LRRC37A3: variants seen among roughly 807,000 people sequenced by gnomAD.
LRRC37A3 encodes leucine-rich repeat-containing protein 37A3.
Under a neutral mutation model 106.2 loss-of-function variants are expected in LRRC37A3, and 25 were observed. The ratio of observed to expected loss-of-function variants is 0.24; its 90% CI spans 0.17 to 0.33. The LOEUF (loss-of-function observed/expected upper bound fraction) is 0.33, where lower values mean the gene tolerates loss of function less well. Ranked by LOEUF, LRRC37A3 falls within the 10% of genes least tolerant of loss-of-function variation. The pLI is 1.00. For synonymous variants in LRRC37A3, 305 were observed against 635.8 expected (o/e 0.48, Z 7.83); for missense variants, 712 against 1,644.9 (o/e 0.43, Z 9.81).
chr17:64,915,792 C>T (rs1598439684), intron 2 of LRRC37A3, among the ~76,000 whole-genome samples: 1 of 152,198 alleles, frequency 6.6e-6, no homozygotes, highest in South Asian at 2.1e-4. Context: ...ATAAAGAATT[C>T]TTACTACCCA....
intron 8 of LRRC37A3, among the ~76,000 whole-genome samples, chr17:64,874,479 G>C (rs1264679541): frequency 6.7e-6 from 1 of 149,944 alleles, no homozygotes; most frequent in African/African-American, 2.5e-5. Context: ...AGGGAGGTGG[G>C]GGCCAGCCCC....
intron 2 of LRRC37A3, among the ~76,000 whole-genome samples, chr17:64,917,207 C>A (rs2143641529): frequency 7.3e-6 from 1 of 136,378 alleles, no homozygotes; most frequent in Non-Finnish European, 1.5e-5. Context: ...GATCGCGCCA[C>A]TGCACTCCAG....
intron 8 of LRRC37A3, among the ~76,000 whole-genome samples, chr17:64,874,272 T>C (rs1973421664): frequency 6.6e-6 from 1 of 151,946 alleles, no homozygotes. Flanking sequence ...CCGTCTGGGA[T>C]GTGAGGAGCG....
chr17:64,888,369 C>T (rs1199462212), intron 6 of LRRC37A3, among the ~76,000 whole-genome samples: 1 of 151,874 alleles, frequency 6.6e-6, no homozygotes, highest in Non-Finnish European at 1.5e-5. Context: ...CTCCTAGTGC[C>T]CACATCCGTT....
In LRRC37A3 at chr17:64,862,970, G is replaced by A; in HGVS notation, c.3102C>T (p.Ser1034=). 1 of 1,598,510 alleles carries A rather than the reference G, an allele frequency of 6.3e-7. No individual in the cohort carries two copies. Among genetic ancestry groups the A allele is most frequent in the Non-Finnish European group, 8.5e-7 (1 of 1,179,788 alleles). ...TGACTGTCTTGCAGACAGCCTCAAT[G>A]CTGTTTTTAAATTGGCAGAGGCAGC... ...MACCLCQFKN[S]IEAVCKTVKL... The change falls in exon 11 of 15, where the codon AGC becomes AGT. Residue 1034 remains serine (S), a synonymous_variant. Coordinates refer to ENST00000584306, the MANE Select transcript of LRRC37A3 (RefSeq NM_199340.5).
intron 8 of LRRC37A3, among the ~76,000 whole-genome samples, chr17:64,875,583 G>A (rs2143478525): frequency 6.6e-6 from 1 of 152,244 alleles, no homozygotes; most frequent in Middle Eastern, 3.4e-3. Context: ...GAGGTCAAGA[G>A]GTTGAGACCA....
intron 10 of LRRC37A3, among the ~76,000 whole-genome samples, chr17:64,864,178 A>G (rs1196597784): frequency 6.6e-6 from 1 of 151,836 alleles, no homozygotes; most frequent in Non-Finnish European, 1.5e-5. Context: ...CAAGTGATCA[A>G]ACTTAGTATT....
intron 2 of LRRC37A3, among the ~76,000 whole-genome samples, chr17:64,910,572 A>G (rs1598436867): frequency 6.6e-6 from 1 of 151,264 alleles, no homozygotes; most frequent in African/African-American, 2.4e-5. Context: ...AGACTTCTAG[A>G]CTTCAAAAAA....
intron 8 of LRRC37A3, among the ~76,000 whole-genome samples, chr17:64,878,438 G>T (rs1973585017): frequency 6.6e-6 from 1 of 152,046 alleles, no homozygotes; most frequent in Non-Finnish European, 1.5e-5. Context: ...TATCTGTTAA[G>T]GTCTAATATC....
intron 8 of LRRC37A3, among the ~76,000 whole-genome samples, chr17:64,874,585 A>G (rs1232514000): frequency 0.012 from 1,456 of 120,942 alleles, no homozygotes; most frequent in Middle Eastern, 0.11. Context: ...CCGCCACCCC[A>G]TCTGGGAGGT....
intron 8 of LRRC37A3, among the ~76,000 whole-genome samples, chr17:64,869,697 C>G (rs57354566): frequency 6.6e-6 from 1 of 151,432 alleles, no homozygotes; most frequent in Non-Finnish European, 1.5e-5. Flanking sequence ...CCCACCACCA[C>G]GCCCAGCTAA....
chr17:64,861,657 C>T (rs1972875986), intron 11 of LRRC37A3, among the ~76,000 whole-genome samples: 1 of 152,188 alleles, frequency 6.6e-6, no homozygotes, highest in Non-Finnish European at 1.5e-5. Flanking sequence ...TCAAATTTGC[C>T]AGATTGTATG....
chr17:64,857,409 G>A (rs1433440575), intron 13 of LRRC37A3, among the ~76,000 whole-genome samples: 5 of 152,194 alleles, frequency 3.3e-5, no homozygotes, highest in Non-Finnish European at 4.4e-5. Context: ...GAGATAGCAC[G>A]TTCCTAGAAT....
At position 64,859,746 on chromosome 17, in the gene LRRC37A3, G is replaced by A. The variant is rs1429079436; in HGVS notation, c.4400C>T (p.Ser1467Leu). ...EPKSFNYPLL[S>L]SPGDQFEIQL... ...AATTTCAAACTGATCACCTGGGGACGAGAGCAATGGGTAATTGAAGCTTTT... is the reference window on the plus strand; with the variant it reads ...AATTTCAAACTGATCACCTGGGGACAAGAGCAATGGGTAATTGAAGCTTTT... Residue 1467 changes from serine (S) to leucine (L), a missense_variant, in exon 12 of 15, where the codon TCG (serine) becomes TTG (leucine). Physicochemically the swap from Ser to Leu is moderately radical, Grantham distance 145. Coordinates refer to ENST00000584306, the MANE Select transcript of LRRC37A3 (RefSeq NM_199340.5). The A allele has an allele frequency of 1.4e-5, 22 of 1,613,056 alleles. No homozygotes were observed. Among genetic ancestry groups the A allele is most frequent in the South Asian group, 3.3e-5 (3 of 91,012 alleles).
chr17:64,890,689 G>C (rs1282209103), intron 5 of LRRC37A3, among the ~76,000 whole-genome samples: 1 of 144,640 alleles, frequency 6.9e-6, no homozygotes, highest in East Asian at 2.0e-4. Context: ...AAAATTAGCT[G>C]GGTGTGATGG....
intron 2 of LRRC37A3, chr17:64,901,406 C>T (rs1315765689): frequency 6.7e-6 from 1 of 148,436 alleles, no homozygotes; most frequent in African/African-American, 2.6e-5. Flanking sequence ...GGTGTCTACT[C>T]CCTGAGAACC....
chr17:64,901,195 A>G (rs1459062301), intron 2 of LRRC37A3: 1 of 150,730 alleles, frequency 6.6e-6, no homozygotes, highest in Non-Finnish European at 1.5e-5. Flanking sequence ...TGAAATATCA[A>G]CTGTGTTTGG....
rs531773282 is a variant in LRRC37A3, at chr17:64,868,957, G to C, written c.2978+138C>G. On this transcript the variant is annotated intron_variant, in intron 9 of 14. Coordinates refer to ENST00000584306, the MANE Select transcript of LRRC37A3 (RefSeq NM_199340.5). ...ATACATCCTCTTAATTTTTTTCTTC[G>C]CCAATAACTTTTTTTCAATAACCCA... 10 of 1,457,110 alleles carry C rather than the reference G, an allele frequency of 6.9e-6. No individual in the cohort carries two copies. The South Asian group carries it at 1.3e-4, about 19-fold the overall frequency. The allele number at this position is 1,457,110 out of a possible 1,614,324, so 90.3% of individuals were successfully genotyped here. A position where few individuals can be genotyped will look rare whatever the true frequency, so the allele number is the denominator to read the frequency against.
At chr17:64,912,560 C>G (rs893233902) in intron 2 of LRRC37A3, among the ~76,000 whole-genome samples, 1 of 151,594 alleles carries the variant, frequency 6.6e-6, no homozygotes, top group Non-Finnish European at 1.5e-5. Flanking sequence ...TCAGTTAATC[C>G]AAAAATAGGC....
Sources: gnomAD v4.1 joint callset for allele counts (sites outside exome capture counted in the v4.1 genomes callset) on GRCh38, gnomAD v4.1.1 for gene constraint, MANE v1.5 for transcripts, NCBI Gene and HGNC (gene_info 2026-07-23, HGNC 2026-07-21) for gene names.